The following NUFIP2 variants were observed in gnomAD, a reference collection of about 807,000 sequenced individuals.
The protein encoded by NUFIP2 is FMR1-interacting protein NUFIP2.
In NUFIP2, 6 loss-of-function variants were observed where a neutral mutation model predicts 56.9. The ratio of observed to expected loss-of-function variants is 0.11; its 90% CI spans 0.06 to 0.21. The LOEUF is 0.21. NUFIP2 is among the 10% of genes least tolerant of loss of function. The pLI is 1.00. For synonymous variants in NUFIP2, 321 were observed against 298.2 expected (o/e 1.08, Z -0.79); for missense variants, 828 against 826.8 (o/e 1.00, Z -0.02).
At chr17:29,292,963 G>A (rs2069227125) in intron 1 of NUFIP2, among the ~76,000 whole-genome samples, 1 of 146,622 alleles carries the variant, frequency 6.8e-6, no homozygotes, top group African/African-American at 2.5e-5. Flanking sequence ...GGTGATCCCG[G>A]GTCACCCGGC....
At chr17:29,280,592 G>A (rs1165586523) in intron 2 of NUFIP2, among the ~76,000 whole-genome samples, 2 of 151,460 alleles carry the variant, frequency 1.3e-5, no homozygotes, top group African/African-American at 4.9e-5. Flanking sequence ...AGGCTGAGGC[G>A]GGAGGATTCC....
At chr17:29,285,936 AAAC>A in intron 2 of NUFIP2, 53 bp downstream of exon 2, 9 of 1,317,004 alleles carry the variant, frequency 6.8e-6, no homozygotes, top group Non-Finnish European at 9.5e-6. Context: ...CTCTTAATAT[AAAC>A]AATATACTAA....
intron 3 of NUFIP2, among the ~76,000 whole-genome samples, chr17:29,265,372 G>A (rs1446785992): frequency 6.9e-6 from 1 of 144,092 alleles, no homozygotes; most frequent in Non-Finnish European, 1.5e-5. Context: ...GCGCGATCTC[G>A]GCTCACTGCA....
intron 3 of NUFIP2, 38 bp downstream of exon 3, chr17:29,267,460 C>G: frequency 8.5e-7 from 1 of 1,180,190 alleles, no homozygotes; most frequent in Non-Finnish European, 1.2e-6. Context: ...CCAGTGGTTA[C>G]TTATTAGTGA....
At chr17:29,284,991 AG>A (rs1361049005) in intron 2 of NUFIP2, among the ~76,000 whole-genome samples, 2 of 152,258 alleles carry the variant, frequency 1.3e-5, no homozygotes, top group African/African-American at 4.8e-5. Context: ...TCACTATTAA[AG>A]ACGCATATGA....
At chr17:29,285,633 A>G (rs1236210861) in intron 2 of NUFIP2, among the ~76,000 whole-genome samples, 1 of 152,090 alleles carries the variant, frequency 6.6e-6, no homozygotes, top group Non-Finnish European at 1.5e-5. Flanking sequence ...AAAGACAAAA[A>G]AGCCACGGAA....
At chr17:29,279,798 C>A (rs149671195) in intron 2 of NUFIP2, among the ~76,000 whole-genome samples, 28 of 152,180 alleles carry the variant, frequency 1.8e-4, no homozygotes, top group South Asian at 1.5e-3. Context: ...TAGGCAAGAG[C>A]CACAGTACCC....
rs893079073 is a variant in NUFIP2 at position 29,256,180 on chromosome 17, G to C, written c.*8359C>G. Reference sequence around the variant, plus strand: ...ATTGAAACTTTTTTTTGAGCGGGGGGAACATCCTTTAACATAACTGTACTC... The same window carrying C: ...ATTGAAACTTTTTTTTGAGCGGGGGCAACATCCTTTAACATAACTGTACTC... On this transcript the variant is annotated 3_prime_UTR_variant, in exon 4 of 4. Coordinates refer to ENST00000225388, the MANE Select transcript of NUFIP2 (RefSeq NM_020772.3). 6.6e-6 allele frequency: 1 copy of C among 152,100 alleles called. No homozygotes were observed. The highest frequency in any genetic ancestry group is 1.5e-5 in the Non-Finnish European group (1 of 68,008). The allele number at this position is 152,100 out of a possible 1,614,324, so 9.4% of individuals were successfully genotyped here. A position where few individuals can be genotyped will look rare whatever the true frequency, so the allele number is the denominator to read the frequency against.
intron 1 of NUFIP2, among the ~76,000 whole-genome samples, chr17:29,287,919 G>A (rs749021365): frequency 7.0e-4 from 106 of 152,304 alleles, no homozygotes; most frequent in Non-Finnish European, 1.4e-3. Context: ...AGCAAAGCAA[G>A]AGGTAGAACT....
At position 29,286,233 on chromosome 17, in the gene NUFIP2, C is replaced by T; in HGVS notation, c.1761G>A (p.Glu587=). 9 of 1,614,214 alleles carry T rather than the reference C, an allele frequency of 5.6e-6. No individual in the cohort carries two copies. The highest frequency in any genetic ancestry group is 7.6e-6 in the Non-Finnish European group (9 of 1,180,032). ...GSILKSGTTS[E]SGALSLEPSH... is the part of the protein sequence containing the mutation. ...TGGGTTCCAAGGATAAGGCTCCACT[C>T]TCACTAGTAGTCCCAGATTTTAGAA... The change falls in exon 2 of 4, where the codon GAG becomes GAA. Residue 587 remains glutamate, a synonymous_variant. Coordinates refer to ENST00000225388, the MANE Select transcript of NUFIP2 (RefSeq NM_020772.3).
At chr17:29,293,641 A>G in intron 1 of NUFIP2, 142 bp downstream of exon 1, 1 of 894,054 alleles carries the variant, frequency 1.1e-6, no homozygotes, top group East Asian at 2.8e-5. Context: ...GAGCTCTAGA[A>G]TGAAAGGGGC....
At chr17:29,279,850 T>C (rs1033966535) in intron 2 of NUFIP2, among the ~76,000 whole-genome samples, 1 of 152,132 alleles carries the variant, frequency 6.6e-6, no homozygotes, top group Non-Finnish European at 1.5e-5. Context: ...AGTCTTGCTG[T>C]GTCTCCTAGG....
At chr17:29,291,174 T>C (rs778414994) in intron 1 of NUFIP2, among the ~76,000 whole-genome samples, 1 of 152,088 alleles carries the variant, frequency 6.6e-6, no homozygotes, top group South Asian at 2.1e-4. Context: ...AATGTAAACA[T>C]TATAGAATAA....
chr17:29,286,499 G>C lies in NUFIP2; in HGVS notation c.1495C>G (p.Leu499Val), dbSNP rs1170033305. Reference sequence around the variant, plus strand: ...CACTGATTCTGGAAGATATCCCCCAGGTTTTGCTGATCTGTCTGAGAGGGC... The same window carrying C: ...CACTGATTCTGGAAGATATCCCCCACGTTTTGCTGATCTGTCTGAGAGGGC... ...DLPSQTDQQN[L>V]GDIFQNQWGL... The change falls in exon 2 of 4, where the codon CTG becomes GTG. Residue 499 changes from leucine (L) to valine (V), a missense_variant. Transcript: ENST00000225388. 1 of 1,614,050 alleles carries C rather than the reference G, an allele frequency of 6.2e-7. No individual in the cohort carries two copies. The highest frequency in any genetic ancestry group is 1.3e-5 in the African/African-American group (1 of 74,900).
chr17:29,284,475 G>A (rs1489982972), intron 2 of NUFIP2, among the ~76,000 whole-genome samples: 2 of 152,052 alleles, frequency 1.3e-5, no homozygotes, highest in Non-Finnish European at 2.9e-5. Context: ...GGAGACCCAG[G>A]TGGGTGGATC....
In NUFIP2 at chr17:29,286,740, A is replaced by G. The variant is rs1399016470; in HGVS notation, c.1254T>C (p.Pro418=). 6.2e-7 allele frequency: 1 copy of G among 1,614,054 alleles called. No homozygotes were observed. Among genetic ancestry groups the G allele is most frequent in the Non-Finnish European group, 8.5e-7 (1 of 1,180,030 alleles). The change falls in exon 2 of 4, where the codon CCT becomes CCC. Residue 418 remains proline (P), a synonymous_variant. Transcript: ENST00000225388. ...SVTSANFSNG[P]VLAGTDGNVY... ...CATTTCCATCAGTCCCTGCTAAAAC[A>G]GGCCCATTAGAAAAGTTGGCAGAAG...
chr17:29,266,090 C>T (rs2069034503), intron 3 of NUFIP2, among the ~76,000 whole-genome samples: 1 of 152,182 alleles, frequency 6.6e-6, no homozygotes. Flanking sequence ...CCTGGCTCAG[C>T]CTCCCTAGTA....
rs1234458583 is a variant in NUFIP2, at chr17:29,294,104, C to T, written c.-45G>A. ...CTGGCTGAGGCTGCGGGCTGCTGCACCGTCAGGATCTGAGACTGCTTCTCA... is the reference window on the plus strand; with the variant it reads ...CTGGCTGAGGCTGCGGGCTGCTGCATCGTCAGGATCTGAGACTGCTTCTCA... On this transcript the variant is annotated 5_prime_UTR_variant, in exon 1 of 4. The change creates a new upstream start codon in the 5' untranslated region. Transcript: ENST00000225388. The T allele has an allele frequency of 6.4e-7, 1 of 1,553,876 alleles. No individual in the cohort carries two copies. The highest frequency in any genetic ancestry group is 8.7e-7 in the Non-Finnish European group (1 of 1,149,296).
chr17:29,284,781 C>T (rs2153012353), intron 2 of NUFIP2, among the ~76,000 whole-genome samples: 2 of 151,520 alleles, frequency 1.3e-5, no homozygotes, highest in Admixed American at 1.3e-4. Context: ...ACCTGGTTCC[C>T]TTTAAACTTG....
Sources: gnomAD v4.1 joint callset for allele counts (sites outside exome capture counted in the v4.1 genomes callset) on GRCh38, gnomAD v4.1.1 for gene constraint, MANE v1.5 for transcripts, NCBI Gene and HGNC (gene_info 2026-07-23, HGNC 2026-07-21) for gene names.